CLSTN2: variants seen among roughly 807,000 people sequenced by gnomAD.
CLSTN2 encodes calsyntenin 2, also known as calsyntenin-2.
In CLSTN2, 48 loss-of-function variants were observed where a neutral mutation model predicts 101.2. The observed-to-expected ratio is 0.47, with a 90% CI of 0.38 to 0.60. The LOEUF is 0.60. Among genes scored for constraint, CLSTN2 ranks in the 20% least tolerant of loss-of-function variants. The probability of loss-of-function intolerance (pLI) is 0.00; values close to 1 mark genes in which losing one functional copy is unlikely to be tolerated. For missense variants in CLSTN2, 1,160 were observed against 1,238.2 expected, an observed-to-expected ratio of 0.94 and a Z score of 0.95; for synonymous variants, 481 against 463.6, an observed-to-expected ratio of 1.04 and a Z score of -0.48.
At chr3:140,484,468 C>G (rs1028899546) in intron 8 of CLSTN2, among the ~76,000 whole-genome samples, 1 of 151,900 alleles carries the variant, frequency 6.6e-6, no homozygotes. Flanking sequence ...CAAGGAGTAT[C>G]TTTGTGGCAT....
chr3:140,503,191 C>A (rs1934615612), intron 8 of CLSTN2, among the ~76,000 whole-genome samples: 2 of 152,184 alleles, frequency 1.3e-5, no homozygotes, highest in African/African-American at 4.8e-5. Context: ...ATACTCTCCC[C>A]ATCTCAAGAT....
Position 140,307,109 on chromosome 3 carries a change from G to T in CLSTN2, c.233-96520G>T, listed in dbSNP as rs1295879872. 3.9e-5 allele frequency among the ~76,000 whole-genome samples: 6 copies of T among 152,200 alleles called. No individual in the cohort carries two copies. In the South Asian group the frequency reaches 6.2e-4, roughly 16 times the overall value. On this transcript the variant is annotated intron_variant, in intron 2 of 16. Coordinates refer to ENST00000458420, the MANE Select transcript of CLSTN2 (RefSeq NM_022131.3). ...CTGCACAAGCTCTCTCTCTTTGCCT[G>T]CTGCCATCCATGTAAGATATGACTT...
intron 1 of CLSTN2, among the ~76,000 whole-genome samples, chr3:140,026,754 G>C (rs2007430218): frequency 6.6e-6 from 1 of 152,188 alleles, no homozygotes. Flanking sequence ...TTTACAAACA[G>C]GTATAAGAGG....
At chr3:140,275,070 C>G (rs2086780985) in intron 2 of CLSTN2, among the ~76,000 whole-genome samples, 1 of 152,176 alleles carries the variant, frequency 6.6e-6, no homozygotes, top group Non-Finnish European at 1.5e-5. Flanking sequence ...AGCCCTTAAC[C>G]AATGACTGTC....
intron 2 of CLSTN2, among the ~76,000 whole-genome samples, chr3:140,230,753 C>T (rs531893494): frequency 1.2e-4 from 18 of 152,306 alleles, no homozygotes; most frequent in African/African-American, 4.3e-4. Flanking sequence ...TTTTGTTATA[C>T]CAGCCTGAAC....
At chr3:140,180,797 C>G (rs962425133) in intron 2 of CLSTN2, among the ~76,000 whole-genome samples, 1 of 152,126 alleles carries the variant, frequency 6.6e-6, no homozygotes, top group South Asian at 2.1e-4. Flanking sequence ...TTGCCTGGGA[C>G]GTGATTTGGC....
intron 1 of CLSTN2, among the ~76,000 whole-genome samples, chr3:139,966,182 T>A (rs949294753): frequency 2.0e-5 from 3 of 152,116 alleles, no homozygotes; most frequent in Admixed American, 6.5e-5. Flanking sequence ...TGCAGAAACT[T>A]CCTACCCAGT....
intron 1 of CLSTN2, among the ~76,000 whole-genome samples, chr3:140,139,993 G>A (rs908673968): frequency 3.9e-5 from 6 of 152,174 alleles, no homozygotes; most frequent in African/African-American, 1.4e-4. Flanking sequence ...GCCTACAGAG[G>A]GGTCTCAAAC....
rs149607557 is a variant in CLSTN2, at chr3:140,032,557, G to A, written c.109+97074G>A. Among the ~76,000 whole-genome samples, 184 of 152,172 alleles carry A rather than the reference G, an allele frequency of 1.2e-3. 3 individuals carry two copies. Among genetic ancestry groups the A allele is most frequent in the African/African-American group, 4.2e-3 (175 of 41,544 alleles). ...TTGCCATATTGGCCAGGCTGGTCTC[G>A]AACTCCTGACCTCAGGTGATCTGCC... On this transcript the variant is annotated intron_variant, in intron 1 of 16. Coordinates refer to ENST00000458420, the MANE Select transcript of CLSTN2 (RefSeq NM_022131.3).
At chr3:140,539,062 A>C (rs980765176) in intron 9 of CLSTN2, among the ~76,000 whole-genome samples, 1 of 152,236 alleles carries the variant, frequency 6.6e-6, no homozygotes, top group East Asian at 1.9e-4. Context: ...AAGAGTTTGC[A>C]GGGGGCAAGG....
Position 140,234,288 on chromosome 3 carries a change from C to T in CLSTN2, c.232+58215C>T, listed in dbSNP as rs1280493881. ...CAAATACCACTGCTTGCAAGTGATG[C>T]TGCTGCTGCCGCAGCTGCTGCTGTC... On this transcript the variant is annotated intron_variant, in intron 2 of 16. Transcript: ENST00000458420. Among the ~76,000 whole-genome samples, 4 of 152,348 alleles carry T rather than the reference C, an allele frequency of 2.6e-5. No individual in the cohort carries two copies. In the East Asian group the frequency reaches 7.7e-4, roughly 29 times the overall value.
At chr3:140,218,539 T>G (rs2010949520) in intron 2 of CLSTN2, among the ~76,000 whole-genome samples, 1 of 152,124 alleles carries the variant, frequency 6.6e-6, no homozygotes, top group Non-Finnish European at 1.5e-5. Context: ...GACCCCCTGT[T>G]GTTAGATAGT....
chr3:140,137,741 T>A lies in CLSTN2; in HGVS notation c.110-38210T>A, dbSNP rs75492613. On this transcript the variant is annotated intron_variant, in intron 1 of 16. Coordinates refer to ENST00000458420, the MANE Select transcript of CLSTN2 (RefSeq NM_022131.3). ...AGCACTGTCTCAGCCTTTCCTCACT[T>A]AATTCTCGCCCAGCCCCATGAGGCA... is the stretch of plus-strand genomic sequence containing the variant. Among the ~76,000 whole-genome samples the A allele has an allele frequency of 2.0e-4, 31 of 152,314 alleles. No homozygotes were observed. The East Asian group carries it at 5.6e-3, about 28-fold the overall frequency.
intron 2 of CLSTN2, among the ~76,000 whole-genome samples, chr3:140,348,947 G>A (rs1263957706): frequency 6.6e-6 from 1 of 152,218 alleles, no homozygotes; most frequent in Non-Finnish European, 1.5e-5. Context: ...ATTACTGTGT[G>A]ATATGGTTTG....
chr3:140,563,837 G>A (rs1313535747), intron 15 of CLSTN2, 124 bp from the exon 16 acceptor site: 2 of 913,578 alleles, frequency 2.2e-6, no homozygotes, highest in African/African-American at 1.6e-5. Context: ...CTGCTCTAGA[G>A]TTCTACAGCT....
chr3:139,970,421 G>A (rs1935676200), intron 1 of CLSTN2, among the ~76,000 whole-genome samples: 1 of 152,146 alleles, frequency 6.6e-6, no homozygotes, highest in African/African-American at 2.4e-5. Flanking sequence ...TTGGACAGAG[G>A]AGGTGCTCAA....
In CLSTN2 at chr3:140,186,118, C is replaced by T. The variant is rs143921952; in HGVS notation, c.232+10045C>T. Among the ~76,000 whole-genome samples the T allele has an allele frequency of 8.6e-3, 1,304 of 152,142 alleles. 23 individuals are homozygous for T. Among genetic ancestry groups the T allele is most frequent in the Non-Finnish European group, 8.1e-3 (554 of 68,012 alleles). On this transcript the variant is annotated intron_variant, in intron 2 of 16. Coordinates refer to ENST00000458420, the MANE Select transcript of CLSTN2 (RefSeq NM_022131.3). ...GATAAGATGGCAGCATAGAGAAGAA[C>T]GAACTGGGAATTTAAAACATTGAGG...
chr3:140,049,519 G>A (rs1405040856), intron 1 of CLSTN2, among the ~76,000 whole-genome samples: 2 of 152,184 alleles, frequency 1.3e-5, no homozygotes, highest in Non-Finnish European at 2.9e-5. Flanking sequence ...GCCTCCCTGA[G>A]GGGGGACTAT....
chr3:140,556,868 A>G lies in CLSTN2; in HGVS notation c.1823+207A>G, dbSNP rs1410670059. 8 of 559,192 alleles carry G rather than the reference A, an allele frequency of 1.4e-5. No homozygotes were observed. In the East Asian group the frequency reaches 1.8e-4, roughly 13 times the overall value. 34.6% of individuals were successfully genotyped at this position (559,192 alleles called of 1,614,324 possible). A position where few individuals can be genotyped will look rare whatever the true frequency, so the allele number is the denominator to read the frequency against. On this transcript the variant is annotated intron_variant, in intron 11 of 16. Transcript: ENST00000458420. ...ATGTTCTGTTGTTTTACCACCTTGA[A>G]TCCACCTTTCTCTATCTTGTATCTT...
Sources: gnomAD v4.1 joint callset for allele counts (sites outside exome capture counted in the v4.1 genomes callset) on GRCh38, gnomAD v4.1.1 for gene constraint, MANE v1.5 for transcripts, NCBI Gene and HGNC (gene_info 2026-07-23, HGNC 2026-07-21) for gene names.